ASIP: variants seen among roughly 807,000 people sequenced by gnomAD.
ASIP encodes the protein agouti-signaling protein.
Under a neutral mutation model 10.3 loss-of-function variants are expected in ASIP, and 11 were observed. That is an observed-to-expected ratio of 1.07 (90% CI 0.68 to 1.78). The LOEUF is 1.78. Among genes scored for constraint, ASIP ranks in the 40% most tolerant of loss-of-function variants. ASIP has a pLI of 0.00. For missense variants in ASIP, 180 were observed against 169.2 expected, an observed-to-expected ratio of 1.06 and a Z score of -0.35; for synonymous variants, 70 against 70.8, an observed-to-expected ratio of 0.99 and a Z score of 0.06.
At chr20:34,245,146 A>C (rs183745463) in intron 1 of ASIP, among the ~76,000 whole-genome samples, 1,973 of 151,774 alleles carry the variant, frequency 0.013, 33 homozygotes, top group African/African-American at 0.043. Context: ...CCAGCCTGGC[A>C]AACATGATGA....
intron 1 of ASIP, chr20:34,215,744 T>C (rs1239544497): frequency 8.1e-6 from 12 of 1,472,680 alleles, no homozygotes; most frequent in African/African-American, 2.8e-5. Flanking sequence ...CTTTACATGA[T>C]CATCACTATA....
intron 1 of ASIP, chr20:34,213,647 G>GGA: frequency 1.3e-6 from 2 of 1,563,462 alleles, no homozygotes; most frequent in Non-Finnish European, 1.8e-6. Context: ...ATGAACTCCT[G>GGA]GAGGTCTTTT....
intron 1 of ASIP, among the ~76,000 whole-genome samples, chr20:34,242,150 TG>T (rs1453349109): frequency 6.6e-6 from 1 of 152,124 alleles, no homozygotes; most frequent in Admixed American, 6.6e-5. Context: ...AGAGGCTAAA[TG>T]GGATGGCATA....
At chr20:34,253,487 T>TTTATTTG (rs2035516701) in intron 1 of ASIP, among the ~76,000 whole-genome samples, 1 of 147,564 alleles carries the variant, frequency 6.8e-6, no homozygotes, top group Non-Finnish European at 1.5e-5. Context: ...TTATTTATTT[T>TTTATTTG]TTAGAGACAG....
At chr20:34,213,544 T>C in intron 1 of ASIP, 1 of 1,532,744 alleles carries the variant, frequency 6.5e-7, no homozygotes, top group South Asian at 1.2e-5. Context: ...GAGTAGCACT[T>C]CAAAAATTGC....
chr20:34,223,535 G>A (rs1414366514), intron 1 of ASIP, among the ~76,000 whole-genome samples: 1 of 127,266 alleles, frequency 7.9e-6, no homozygotes, highest in African/African-American at 5.2e-5. Flanking sequence ...CGTGCCATCC[G>A]GGAGGGAGGT....
At chr20:34,259,718 C>T (rs1473038409) in intron 1 of ASIP, among the ~76,000 whole-genome samples, 1 of 151,738 alleles carries the variant, frequency 6.6e-6, no homozygotes, top group African/African-American at 2.4e-5. Flanking sequence ...CCACTGCACT[C>T]TAGCCTGGGC....
intron 1 of ASIP, among the ~76,000 whole-genome samples, chr20:34,220,803 A>G (rs957011160): frequency 3.9e-5 from 6 of 152,130 alleles, no homozygotes; most frequent in Admixed American, 6.5e-5. Context: ...TACCATAGAA[A>G]GTCAATGACT....
the ASIP span, among the ~76,000 whole-genome samples, chr20:34,189,236 C>A: frequency 6.6e-6 from 1 of 152,094 alleles, no homozygotes; most frequent in South Asian, 2.1e-4. Context: ...AACTGCTCCC[C>A]CTAAGGTTTG....
rs549143899 is a variant in ASIP at position 34,221,551 on chromosome 20, G to A, written c.-11+26791G>A. Reference sequence around the variant, plus strand: ...TACGTATGTGGGCAATAAATGGAAAGCATATGTAGCATAGTTAGAAGTAAA... The same window carrying A: ...TACGTATGTGGGCAATAAATGGAAAACATATGTAGCATAGTTAGAAGTAAA... On this transcript the variant is annotated intron_variant, in intron 1 of 3. Coordinates refer to the ASIP transcript ENST00000568305. 2.6e-5 allele frequency among the ~76,000 whole-genome samples: 4 copies of A among 152,250 alleles called. No homozygotes were observed. The South Asian group carries it at 6.2e-4, about 24-fold the overall frequency.
rs140378549 is a variant in ASIP at position 34,220,491 on chromosome 20, A to T, written c.-11+25731A>T. 7.4e-3 allele frequency among the ~76,000 whole-genome samples: 1,123 copies of T among 151,966 alleles called. 14 individuals are homozygous for T. The highest frequency in any genetic ancestry group is 0.026 in the African/African-American group (1,071 of 41,396). ...GCACCTTTAGTCCCAGCTACTCAGG[A>T]GGCTGAGGTGGGAGGATCGCTTGAA... On this transcript the variant is annotated intron_variant, in intron 1 of 3. Transcript: ENST00000568305.
chr20:34,235,903 G>GA (rs2035194095), intron 1 of ASIP, among the ~76,000 whole-genome samples: 1 of 86,170 alleles, frequency 1.2e-5, no homozygotes, highest in Admixed American at 9.6e-5. Context: ...GGAAGGAAAG[G>GA]AAGGAAGGAA....
At chr20:34,220,594 CAA>C (rs11373441) in intron 1 of ASIP, among the ~76,000 whole-genome samples, 37 of 135,166 alleles carry the variant, frequency 2.7e-4, no homozygotes, top group Admixed American at 3.1e-4. Context: ...GACCTTCTCT[CAA>C]AAAAAAAAAA....
upstream of ASIP, among the ~76,000 whole-genome samples, chr20:34,192,014 A>G (rs2034827139): frequency 6.6e-6 from 1 of 151,982 alleles, no homozygotes; most frequent in Non-Finnish European, 1.5e-5. Flanking sequence ...TACAGGCGTG[A>G]GCCACTGTGC....
intron 3 of ASIP, among the ~76,000 whole-genome samples, chr20:34,266,913 C>G (rs375928620): frequency 5.9e-5 from 9 of 152,156 alleles, no homozygotes; most frequent in African/African-American, 2.2e-4. Context: ...ACACCTTATT[C>G]CTGTCTTAGT....
chr20:34,255,972 C>T (rs2035561929), intron 1 of ASIP, among the ~76,000 whole-genome samples: 1 of 152,258 alleles, frequency 6.6e-6, no homozygotes, highest in African/African-American at 2.4e-5. Flanking sequence ...GGCCCACCCG[C>T]AGCCTCCAGA....
intron 1 of ASIP, among the ~76,000 whole-genome samples, chr20:34,196,173 CTTTTTTTT>C (rs34524786): frequency 1.2e-5 from 1 of 83,704 alleles, no homozygotes; most frequent in East Asian, 3.7e-4. Flanking sequence ...AGGGAGATTT[CTTTTTTTT>C]TTTTTTTTTT....
upstream of ASIP, among the ~76,000 whole-genome samples, chr20:34,193,837 A>T (rs904184317): frequency 6.6e-6 from 1 of 152,230 alleles, no homozygotes; most frequent in Non-Finnish European, 1.5e-5. Flanking sequence ...GGAAAAGTAG[A>T]TGCAGGCATA....
At chr20:34,247,948 G>C (rs938672616) in intron 1 of ASIP, among the ~76,000 whole-genome samples, 5 of 152,180 alleles carry the variant, frequency 3.3e-5, no homozygotes, top group Non-Finnish European at 7.4e-5. Flanking sequence ...GCACATGCGT[G>C]TAATCCCAGC....
Sources: allele counts gnomAD v4.1 joint callset (sites outside exome capture counted in the v4.1 genomes callset), GRCh38; gene constraint gnomAD v4.1.1; transcripts MANE v1.5; gene names NCBI Gene and HGNC (gene_info 2026-07-23, HGNC 2026-07-21).